MRPL28: variants seen among roughly 807,000 people sequenced by gnomAD.
MRPL28 encodes large ribosomal subunit protein bL28m.
Under a neutral mutation model 26.2 loss-of-function variants are expected in MRPL28, and 25 were observed. That is an observed-to-expected ratio of 0.95 (90% CI 0.69 to 1.33). The LOEUF (loss-of-function observed/expected upper bound fraction) is 1.33, where lower values mean the gene tolerates loss of function less well. Ranked by LOEUF, MRPL28 falls within the 40% of genes most tolerant of loss-of-function variation. The probability of loss-of-function intolerance (pLI) is 0.00; values close to 1 mark genes in which losing one functional copy is unlikely to be tolerated. For synonymous variants in MRPL28, 227 were observed against 140.1 expected, an observed-to-expected ratio of 1.62 and a Z score of -4.38; for missense variants, 432 against 327.2, an observed-to-expected ratio of 1.32 and a Z score of -2.47.
In MRPL28 at chr16:367,115, C is replaced by G. The variant is rs73490305; in HGVS notation, c.*560G>C. Among the ~76,000 whole-genome samples the G allele has an allele frequency of 0.12, 18,100 of 152,050 alleles. 1,521 individuals are homozygous for G. Among genetic ancestry groups the G allele is most frequent in the African/African-American group, 0.24 (9,817 of 41,444 alleles). On this transcript the variant is annotated 3_prime_UTR_variant, in exon 6 of 6. Transcript: ENST00000199706. ...AGCTACTCAGGAGGCTGAGACAGGA[C>G]AATCACTTGAACTCTGGAGGTGGAG...
At chr16:369,537 G>T in intron 2 of MRPL28, 1 of 605,992 alleles carries the variant, frequency 1.7e-6, no homozygotes, top group South Asian at 1.6e-5. Flanking sequence ...ACCTGGAGGT[G>T]ACACAAGTCT....
In MRPL28 at chr16:370,067, T is replaced by G. The variant is rs774555003; in HGVS notation, c.152A>C (p.Lys51Thr). ...CCGCTGCCCGTTCTTGGGGTTGATCTTGAACTTGGCCCCATGAGGCCTATA... is the reference window on the plus strand; with the variant it reads ...CCGCTGCCCGTTCTTGGGGTTGATCGTGAACTTGGCCCCATGAGGCCTATA... ...VHYRPHGAKFKINPKNGQRER... is the reference protein window; with the variant it reads ...VHYRPHGAKFTINPKNGQRER... Residue 51 changes from lysine to threonine, a missense_variant, in exon 2 of 6, where the codon AAG (lysine) becomes ACG (threonine). Coordinates refer to ENST00000199706, the MANE Select transcript of MRPL28 (RefSeq NM_006428.5). 7 of 1,612,750 alleles carry G rather than the reference T, an allele frequency of 4.3e-6. No homozygotes were observed. Among genetic ancestry groups the G allele is most frequent in the Non-Finnish European group, 5.9e-6 (7 of 1,179,720 alleles).
chr16:367,921 G>A, intron 5 of MRPL28, 139 bp from the exon 6 acceptor site: 1 of 686,598 alleles, frequency 1.5e-6, no homozygotes, highest in Non-Finnish European at 2.5e-6. Context: ...TCGGTGAGAT[G>A]AGGAACCCCC....
In MRPL28 at chr16:369,143, C is replaced by T. The variant is rs1299816448; in HGVS notation, c.366G>A (p.Lys122=). ...TCCGCATGGTCACAGTCACTGTGAACTTCTTGTCCAGGATCTCACTGTAGA... is the reference window on the plus strand; with the variant it reads ...TCCGCATGGTCACAGTCACTGTGAATTTCTTGTCCAGGATCTCACTGTAGA... ...REFYSEILDK[K]FTVTVTMRTL... Residue 122 remains lysine, a synonymous_variant, in exon 3 of 6, where the codon AAG becomes AAA. Transcript: ENST00000199706. The T allele has an allele frequency of 6.8e-6, 11 of 1,614,070 alleles. No individual in the cohort carries two copies. The highest frequency in any genetic ancestry group is 2.2e-5 in the East Asian group (1 of 44,880).
Position 367,315 on chromosome 16 carries a change from CAG to C in MRPL28, c.*358_*359del, listed in dbSNP as rs1434461819. 2.4e-5 allele frequency: 15 copies of C among 614,644 alleles called. No homozygotes were observed. The highest frequency in any genetic ancestry group is 4.2e-5 in the Non-Finnish European group (14 of 330,598). The allele number at this position is 614,644 out of a possible 1,614,324, so 38.1% of individuals were successfully genotyped here. On this transcript the variant is annotated 3_prime_UTR_variant, in exon 6 of 6. Coordinates refer to ENST00000199706, the MANE Select transcript of MRPL28 (RefSeq NM_006428.5). ...AATGCCCACGGCTCATCCGAGGTCT[CAG>C]GGGCAGCAAGGGCAGGGGTGACAGG...
At chr16:369,855 G>A in intron 2 of MRPL28, 76 bp downstream of exon 2, 1 of 1,533,086 alleles carries the variant, frequency 6.5e-7, no homozygotes, top group Admixed American at 1.8e-5. Flanking sequence ...GTCTCTCCAG[G>A]TACCCCGGGC....
At position 370,140 on chromosome 16, in the gene MRPL28, G is replaced by A. The variant is rs3194151; in HGVS notation, c.79C>T (p.His27Tyr). 258,342 of 1,603,874 alleles carry A rather than the reference G, an allele frequency of 0.16. 21,900 individuals are homozygous for A. The highest frequency in any genetic ancestry group is 0.18 in the Non-Finnish European group (208,401 of 1,176,500). Reference protein sequence around the residue: ...REGICSRLPGHYLRSLEEERT... With the variant: ...REGICSRLPGYYLRSLEEERT... ...TCCTCCTCCAGGGAGCGCAGGTAGT[G>A]GCCGGGCAGGCGGGAACAGATGCCC... The change falls in exon 2 of 6, where the codon CAC (histidine) becomes TAC (tyrosine). Residue 27 changes from histidine to tyrosine, a missense_variant. By Grantham distance (83) the His-to-Tyr change is moderately conservative. Transcript: ENST00000199706.
rs1051930925 is a variant in MRPL28 at position 367,306 on chromosome 16, C to A, written c.*369G>T. 3 of 606,240 alleles carry A rather than the reference C, an allele frequency of 4.9e-6. No homozygotes were observed. Among genetic ancestry groups the A allele is most frequent in the Middle Eastern group, 2.6e-4 (1 of 3,862 alleles). The allele number at this position is 606,240 out of a possible 1,614,324, so 37.6% of individuals were successfully genotyped here. Reference sequence around the variant, plus strand: ...GCCAGAGTCAATGCCCACGGCTCATCCGAGGTCTCAGGGGCAGCAAGGGCA... The same window carrying A: ...GCCAGAGTCAATGCCCACGGCTCATACGAGGTCTCAGGGGCAGCAAGGGCA... On this transcript the variant is annotated 3_prime_UTR_variant, in exon 6 of 6. Transcript: ENST00000199706.
rs759428450 is a variant in MRPL28 at position 368,642 on chromosome 16, G to C, written c.442-7C>G. 6.5e-7 allele frequency: 1 copy of C among 1,544,226 alleles called. No homozygotes were observed. Among genetic ancestry groups the C allele is most frequent in the Non-Finnish European group, 8.7e-7 (1 of 1,144,122 alleles). ...ACAGGTCCTCCTTCGGGGTCTGGCA[G>C]AAGGCTCACATGGGGCCAGGTGCTG... On this transcript the variant is annotated splice_polypyrimidine_tract_variant and splice_region_variant and intron_variant, in intron 3 of 5. Coordinates refer to ENST00000199706, the MANE Select transcript of MRPL28 (RefSeq NM_006428.5).
At chr16:368,993 C>T in intron 3 of MRPL28, 75 bp downstream of exon 3, 1 of 1,534,836 alleles carries the variant, frequency 6.5e-7, no homozygotes. Flanking sequence ...CGGTGTGATG[C>T]TGACCTGGGG....
intron 3 of MRPL28, 66 bp downstream of exon 3, chr16:369,002 G>A (rs1477661749): frequency 2.6e-6 from 4 of 1,561,340 alleles, no homozygotes; most frequent in Admixed American, 3.5e-5. Flanking sequence ...GCTGACCTGG[G>A]GCTCCCGTGA....
intron 2 of MRPL28, 126 bp downstream of exon 2, chr16:369,805 A>C (rs73490313): frequency 0.1 from 120,728 of 1,202,554 alleles, 7,330 homozygotes; most frequent in African/African-American, 0.25. Flanking sequence ...TTTGCCGGAG[A>C]TGTGTCGCCT....
At position 370,136 on chromosome 16, in the gene MRPL28, T is replaced by C. The variant is rs2054309022; in HGVS notation, c.83A>G (p.Tyr28Cys). ...CCGCTCCTCCTCCAGGGAGCGCAGG[T>C]AGTGGCCGGGCAGGCGGGAACAGAT... Reference protein sequence around the residue: ...EGICSRLPGHYLRSLEEERTP... With the variant: ...EGICSRLPGHCLRSLEEERTP... Residue 28 changes from tyrosine to cysteine, a missense_variant, in exon 2 of 6, where the codon TAC becomes TGC. Transcript: ENST00000199706. 6 of 1,606,614 alleles carry C rather than the reference T, an allele frequency of 3.7e-6. No homozygotes were observed. The highest frequency in any genetic ancestry group is 5.1e-6 in the Non-Finnish European group (6 of 1,177,662).
chr16:370,192 C>A lies in MRPL28; in HGVS notation c.27G>T (p.Trp9Cys), dbSNP rs1364594467. 6.3e-7 allele frequency: 1 copy of A among 1,597,606 alleles called. No homozygotes were observed. Among genetic ancestry groups the A allele is most frequent in the East Asian group, 2.2e-5 (1 of 44,546 alleles). Residue 9 changes from tryptophan to cysteine, a missense_variant, in exon 2 of 6, where the codon TGG (tryptophan) becomes TGT (cysteine). By Grantham distance (215) the Trp-to-Cys change is radical. Coordinates refer to ENST00000199706, the MANE Select transcript of MRPL28 (RefSeq NM_006428.5). Reference protein sequence around the residue: MPLHKYPVWLWKRLQLREG... With the variant: MPLHKYPVCLWKRLQLREG... ...CCCGCAGCTGCAGCCGCTTCCAGAG[C>A]CACACGGGATACTTGTGTAGAGGCA...
At chr16:370,361 C>T in intron 1 of MRPL28, 136 bp from the exon 2 acceptor site, 1 of 1,341,812 alleles carries the variant, frequency 7.5e-7, no homozygotes, top group Non-Finnish European at 9.7e-7. Context: ...CCGGCTCTCA[C>T]CCGCTACCCC....
In MRPL28 at chr16:367,927, C is replaced by A. The variant is rs899761681; in HGVS notation, c.664-145G>T. On this transcript the variant is annotated intron_variant, in intron 5 of 5. Transcript: ENST00000199706. Reference sequence around the variant, plus strand: ...AGAGTCCTGTCGGTGAGATGAGGAACCCCCTCCCTTGGGGATGCCGGAGGC... The same window carrying A: ...AGAGTCCTGTCGGTGAGATGAGGAAACCCCTCCCTTGGGGATGCCGGAGGC... 90 of 674,386 alleles carry A rather than the reference C, an allele frequency of 1.3e-4. 2 individuals carry two copies. The East Asian group carries it at 2.4e-3, about 18-fold the overall frequency. The allele number at this position is 674,386 out of a possible 1,614,324, so 41.8% of individuals were successfully genotyped here.
chr16:370,144 G>T lies in MRPL28; in HGVS notation c.75C>A (p.Pro25=), dbSNP rs764864783. 4.4e-6 allele frequency: 7 copies of T among 1,602,764 alleles called. No homozygotes were observed. Among genetic ancestry groups the T allele is most frequent in the Non-Finnish European group, 5.9e-6 (7 of 1,176,476 alleles). ...CCTCCAGGGAGCGCAGGTAGTGGCC[G>T]GGCAGGCGGGAACAGATGCCCTCCC... ...QLREGICSRL[P]GHYLRSLEEE... Residue 25 remains proline, a synonymous_variant, in exon 2 of 6, where the codon CCC becomes CCA. Coordinates refer to ENST00000199706, the MANE Select transcript of MRPL28 (RefSeq NM_006428.5).
At position 369,968 on chromosome 16, in the gene MRPL28, C is replaced by G. The variant is rs745450539; in HGVS notation, c.251G>C (p.Gly84Ala). Residue 84 changes from glycine (G) to alanine (A), a missense_variant, in exon 2 of 6, where the codon GGC becomes GCC. Gly to Ala is a moderately conservative substitution (Grantham distance 60). Coordinates refer to ENST00000199706, the MANE Select transcript of MRPL28 (RefSeq NM_006428.5). ...ESQRGLWGGEGWILGQIYANN... is the reference protein window; with the variant it reads ...ESQRGLWGGEAWILGQIYANN... ...GGCATATATTTGGCCCAGGATCCAG[C>G]CCTCGCCGCCCCACAACCCCCGCTG... The G allele has an allele frequency of 6.2e-7, 1 of 1,612,282 alleles. No homozygotes were observed. The highest frequency in any genetic ancestry group is 2.2e-5 in the East Asian group (1 of 44,900).
rs759713677 is a variant in MRPL28 at position 369,988 on chromosome 16, C to G, written c.231G>C (p.Arg77=). ...IPIYFPPESQ[R]GLWGGEGWIL... Reference sequence around the variant, plus strand: ...TCCAGCCCTCGCCGCCCCACAACCCCCGCTGGGATTCGGGGGGAAAGTAGA... The same window carrying G: ...TCCAGCCCTCGCCGCCCCACAACCCGCGCTGGGATTCGGGGGGAAAGTAGA... Residue 77 remains arginine, a synonymous_variant, in exon 2 of 6, where the codon CGG becomes CGC. Coordinates refer to ENST00000199706, the MANE Select transcript of MRPL28 (RefSeq NM_006428.5). The G allele has an allele frequency of 3.7e-6, 6 of 1,612,948 alleles. No homozygotes were observed. Among genetic ancestry groups the G allele is most frequent in the Middle Eastern group, 1.6e-4 (1 of 6,078 alleles).
Sources: gnomAD v4.1 joint callset for allele counts (sites outside exome capture counted in the v4.1 genomes callset) on GRCh38, gnomAD v4.1.1 for gene constraint, MANE v1.5 for transcripts, NCBI Gene and HGNC (gene_info 2026-07-23, HGNC 2026-07-21) for gene names.